GLRA3: variants seen among roughly 807,000 people sequenced by gnomAD.
GLRA3 encodes glycine receptor subunit alpha-3.
In GLRA3, 44 loss-of-function variants were observed where a neutral mutation model predicts 60.4. That is an observed-to-expected ratio of 0.73 (90% CI 0.57 to 0.94). The LOEUF (loss-of-function observed/expected upper bound fraction) is 0.94. GLRA3 is among the 40% of genes least tolerant of loss of function. The pLI, the probability that GLRA3 is intolerant of heterozygous loss-of-function variation, is 0.00. For synonymous variants in GLRA3, 223 were observed against 192.9 expected, an observed-to-expected ratio of 1.16 and a Z score of -1.29; for missense variants, 508 against 564.6, an observed-to-expected ratio of 0.90 and a Z score of 1.02.
intron 3 of GLRA3, among the ~76,000 whole-genome samples, chr4:174,736,654 T>C (rs1389046961): frequency 6.6e-6 from 1 of 152,190 alleles, no homozygotes; most frequent in Non-Finnish European, 1.5e-5. Flanking sequence ...AGAGGTCATT[T>C]GTTTATAGAA....
At chr4:174,715,327 T>G (rs1735873286) in intron 5 of GLRA3, among the ~76,000 whole-genome samples, 161 bp downstream of exon 5, 2 of 152,220 alleles carry the variant, frequency 1.3e-5, no homozygotes, top group Admixed American at 1.3e-4. Context: ...GTGCATGTGT[T>G]GATAGGTATC....
In GLRA3 at chr4:174,817,227, C is replaced by A. The variant is rs116381475; in HGVS notation, c.71+11514G>T. Among the ~76,000 whole-genome samples the A allele has an allele frequency of 9.5e-3, 1,449 of 152,268 alleles. 19 individuals are homozygous for A. Among genetic ancestry groups the A allele is most frequent in the African/African-American group, 0.032 (1,333 of 41,560 alleles). ...TCTTGGAAGTGTCTTTAAAGAGAAG[C>A]CTCTTCGTTCTGATGGCTAAAAAGA... On this transcript the variant is annotated intron_variant, in intron 1 of 9. Coordinates refer to ENST00000274093, the MANE Select transcript of GLRA3 (RefSeq NM_006529.4).
chr4:174,805,816 T>C lies in GLRA3; in HGVS notation c.72-16873A>G, dbSNP rs146827923. 9.8e-3 allele frequency among the ~76,000 whole-genome samples: 1,489 copies of C among 152,294 alleles called. 23 individuals are homozygous for C. Among genetic ancestry groups the C allele is most frequent in the African/African-American group, 0.033 (1,391 of 41,562 alleles). On this transcript the variant is annotated intron_variant, in intron 1 of 9. Coordinates refer to ENST00000274093, the MANE Select transcript of GLRA3 (RefSeq NM_006529.4). ...TTATTTTTATGGATATTATAGAAGT[T>C]GGGTCTTCAAGAGGATAGTTTAAAT...
At chr4:174,826,614 T>G (rs1740978934) in intron 1 of GLRA3, among the ~76,000 whole-genome samples, 1 of 152,206 alleles carries the variant, frequency 6.6e-6, no homozygotes, top group African/African-American at 2.4e-5. Flanking sequence ...TCAAAGCCTA[T>G]GACATAAAAA....
At chr4:174,681,689 C>T (rs767478176) in intron 6 of GLRA3, among the ~76,000 whole-genome samples, 1 of 152,092 alleles carries the variant, frequency 6.6e-6, no homozygotes, top group Non-Finnish European at 1.5e-5. Flanking sequence ...TCCAGAACTG[C>T]GAGAGAACAC....
chr4:174,688,579 AGT>A (rs59653917), intron 5 of GLRA3, among the ~76,000 whole-genome samples: 21,126 of 133,604 alleles, frequency 0.16, 1,677 homozygotes, highest in East Asian at 0.27. Flanking sequence ...GGAAGGAGGA[AGT>A]GTGTGTGTGT....
At chr4:174,813,944 C>A (rs956701815) in intron 1 of GLRA3, among the ~76,000 whole-genome samples, 1 of 152,156 alleles carries the variant, frequency 6.6e-6, no homozygotes, top group Non-Finnish European at 1.5e-5. Context: ...ACTCAGCCCA[C>A]AGCTCTCAAA....
At chr4:174,735,788 CTGACCTCA>C (rs1202018341) in intron 3 of GLRA3, among the ~76,000 whole-genome samples, 1 of 152,116 alleles carries the variant, frequency 6.6e-6, no homozygotes, top group Non-Finnish European at 1.5e-5. Flanking sequence ...TCTGGAACTC[CTGACCTCA>C]GGTGATATGC....
Position 174,708,601 on chromosome 4 carries a change from C to CT in GLRA3, c.574+6886dup, listed in dbSNP as rs200207515. Among the ~76,000 whole-genome samples, 1,139 of 133,034 alleles carry CT rather than the reference C, an allele frequency of 8.6e-3. 10 individuals are homozygous for CT. Among genetic ancestry groups the CT allele is most frequent in the African/African-American group, 0.024 (884 of 36,340 alleles). The allele number at this position is 133,034 out of a possible 152,430, so 87.3% of individuals were successfully genotyped here. A position where few individuals can be genotyped will look rare whatever the true frequency, so the allele number is the denominator to read the frequency against. ...TCTAAATAATATTTTAACTTTTACTCTTTTTTTTTTTTTTTGAGATGGAGT... is the reference window on the plus strand; with the variant it reads ...TCTAAATAATATTTTAACTTTTACTCTTTTTTTTTTTTTTTTGAGATGGAGT... On this transcript the variant is annotated intron_variant, in intron 5 of 9. Coordinates refer to ENST00000274093, the MANE Select transcript of GLRA3 (RefSeq NM_006529.4).
chr4:174,640,036 T>C lies in GLRA3; in HGVS notation c.*3750A>G, dbSNP rs1235582921. On this transcript the variant is annotated 3_prime_UTR_variant, in exon 10 of 10. Transcript: ENST00000274093. ...ACACCAGATTGTCTTATATTTGGAA[T>C]GGCTTGCTTTTCTTTGCTAGTTCAA... is the stretch of plus-strand genomic sequence containing the variant. 1 of 152,146 alleles carries C rather than the reference T, an allele frequency of 6.6e-6. No homozygotes were observed. Among genetic ancestry groups the C allele is most frequent in the East Asian group, 1.9e-4 (1 of 5,194 alleles). The allele number at this position is 152,146 out of a possible 1,614,324, so 9.4% of individuals were successfully genotyped here.
At chr4:174,826,801 T>G (rs997280295) in intron 1 of GLRA3, among the ~76,000 whole-genome samples, 1 of 151,996 alleles carries the variant, frequency 6.6e-6, no homozygotes, top group African/African-American at 2.4e-5. Context: ...ACATCAGGGC[T>G]AGAATTAGAG....
In GLRA3 at chr4:174,691,947, G is replaced by A. The variant is rs569269897; in HGVS notation, c.575-9008C>T. Among the ~76,000 whole-genome samples the A allele has an allele frequency of 6.6e-5, 10 of 151,938 alleles. 1 individual carries two copies. The highest frequency in any genetic ancestry group is 2.2e-4 in the African/African-American group (9 of 41,414). ...GCCGCCATCCCATCTAGGAAGTGAG[G>A]AGTGTCTCTGCCCGGCCGCCCATCG... On this transcript the variant is annotated intron_variant, in intron 5 of 9. Coordinates refer to ENST00000274093, the MANE Select transcript of GLRA3 (RefSeq NM_006529.4).
intron 1 of GLRA3, among the ~76,000 whole-genome samples, chr4:174,819,954 A>G (rs1315166078): frequency 1.3e-5 from 2 of 152,346 alleles, no homozygotes; most frequent in Non-Finnish European, 2.9e-5. Context: ...ATTACATCAT[A>G]CATTGATTTA....
At chr4:174,658,901 C>T (rs938097874) in intron 8 of GLRA3, among the ~76,000 whole-genome samples, 153 bp downstream of exon 8, 11 of 152,144 alleles carry the variant, frequency 7.2e-5, no homozygotes, top group African/African-American at 2.7e-4. Context: ...CTATTTTTGA[C>T]ACTTTTAGTT....
chr4:174,806,920 C>A (rs1740074783), intron 1 of GLRA3, among the ~76,000 whole-genome samples: 1 of 151,798 alleles, frequency 6.6e-6, no homozygotes, highest in Non-Finnish European at 1.5e-5. Flanking sequence ...AGATGAAATA[C>A]CAATAAAGTC....
chr4:174,699,082 C>T (rs1289526962), intron 5 of GLRA3, among the ~76,000 whole-genome samples: 4 of 151,610 alleles, frequency 2.6e-5, no homozygotes, highest in African/African-American at 2.4e-5. Flanking sequence ...ACTGCAACCT[C>T]CACTTCCCAG....
At chr4:174,825,051 T>C (rs920830856) in intron 1 of GLRA3, among the ~76,000 whole-genome samples, 1 of 152,108 alleles carries the variant, frequency 6.6e-6, no homozygotes, top group South Asian at 2.1e-4. Flanking sequence ...AAGATGTTCT[T>C]TCAATTGGCA....
chr4:174,642,390 A>C lies in GLRA3; in HGVS notation c.*1396T>G. 5.2e-6 allele frequency: 5 copies of C among 963,402 alleles called. No homozygotes were observed. The highest frequency in any genetic ancestry group is 6.2e-6 in the Non-Finnish European group (5 of 809,974). The allele number at this position is 963,402 out of a possible 1,614,324, so 59.7% of individuals were successfully genotyped here. A position where few individuals can be genotyped will look rare whatever the true frequency, so the allele number is the denominator to read the frequency against. On this transcript the variant is annotated 3_prime_UTR_variant, in exon 10 of 10. Coordinates refer to ENST00000274093, the MANE Select transcript of GLRA3 (RefSeq NM_006529.4). ...GTGGACTGAGTTTGTGCATCTGACC[A>C]ATAATTAAAATACCTAAAAAGCATT...
At chr4:174,661,093 G>A (rs1427999088) in intron 7 of GLRA3, among the ~76,000 whole-genome samples, 2 of 152,028 alleles carry the variant, frequency 1.3e-5, no homozygotes, top group African/African-American at 4.8e-5. Flanking sequence ...CCAAGATCTG[G>A]GCACTGGGTG....
Sources: allele counts gnomAD v4.1 joint callset (sites outside exome capture counted in the v4.1 genomes callset), GRCh38; gene constraint gnomAD v4.1.1; transcripts MANE v1.5; gene names NCBI Gene and HGNC (gene_info 2026-07-23, HGNC 2026-07-21).